IQCH: variants seen among roughly 807,000 people sequenced by gnomAD.
IQCH encodes IQ motif containing H, also known as IQ domain-containing protein H.
In IQCH, 98 loss-of-function variants were observed where a neutral mutation model predicts 117.0. That is an observed-to-expected ratio of 0.84 (90% confidence interval 0.71 to 0.99). The LOEUF is 0.99. Ranked by LOEUF, IQCH falls within the 50% of genes least tolerant of loss-of-function variation. IQCH has a pLI of 0.00. For missense variants in IQCH, 1,102 were observed against 1,243.8 expected (o/e 0.89, Z 1.72); for synonymous variants, 412 against 448.2 (o/e 0.92, Z 1.02).
At chr15:67,399,118 T>C (rs1210938275) in intron 13 of IQCH, among the ~76,000 whole-genome samples, 1 of 152,118 alleles carries the variant, frequency 6.6e-6, no homozygotes, top group East Asian at 1.9e-4. Context: ...TCTCTGTGGG[T>C]TGGGATAGGC....
Position 67,426,601 on chromosome 15 carries a change from A to C in IQCH, c.2505+5024A>C, listed in dbSNP as rs1307291705. 1.3e-5 allele frequency among the ~76,000 whole-genome samples: 2 copies of C among 149,662 alleles called. No individual in the cohort carries two copies. Among genetic ancestry groups the C allele is most frequent in the African/African-American group, 4.9e-5 (2 of 41,086 alleles). On this transcript the variant is annotated intron_variant, in intron 16 of 20. Transcript: ENST00000335894. This position sits in a 1 kb window ranked among gnomAD's most constrained non-coding sequence, Gnocchi z 5.1. ...CTCATACTCATTATTTAAACTTACA[A>C]ACTAAAAAAAAATAAAAATAAAAAT...
intron 8 of IQCH, among the ~76,000 whole-genome samples, chr15:67,371,100 G>A (rs1229607123): frequency 1.3e-5 from 2 of 152,060 alleles, no homozygotes; most frequent in East Asian, 3.9e-4. Context: ...ACATACCTAA[G>A]CAAGAAGAAA....
At chr15:67,485,006 C>T (rs945648986) in intron 18 of IQCH, among the ~76,000 whole-genome samples, 6 of 151,930 alleles carry the variant, frequency 3.9e-5, no homozygotes, top group African/African-American at 1.5e-4. Context: ...GAGACAGGGA[C>T]TCATAACTCC....
chr15:67,281,661 CATTGGTGGAG>C, intron 4 of IQCH: 1 of 454,058 alleles, frequency 2.2e-6, no homozygotes, highest in South Asian at 1.6e-5. Context: ...GCCTTGGCAG[CATTGGTGGAG>C]ATTCTCTACA....
intron 4 of IQCH, among the ~76,000 whole-genome samples, chr15:67,310,411 T>C (rs1967529742): frequency 6.6e-6 from 1 of 152,102 alleles, no homozygotes; most frequent in Admixed American, 6.6e-5. Context: ...TCTGCTCATA[T>C]ACACTCCTGT....
At position 67,387,060 on chromosome 15, in the gene IQCH, A is replaced by G. The variant is rs927809253; in HGVS notation, c.1457-1771A>G. On this transcript the variant is annotated intron_variant, in intron 11 of 20. Coordinates refer to ENST00000335894, the MANE Select transcript of IQCH (RefSeq NM_001031715.3). This position sits in a 1 kb window ranked among gnomAD's most constrained non-coding sequence, Gnocchi z 4.8. ...CTTTCATACTTAAAAAAAACTCATT[A>G]GTTTGATTTTTAAAACCTCTACTGT... Among the ~76,000 whole-genome samples, 6 of 152,090 alleles carry G rather than the reference A, an allele frequency of 3.9e-5. No homozygotes were observed. The highest frequency in any genetic ancestry group is 1.2e-4 in the African/African-American group (5 of 41,390).
chr15:67,459,970 T>C lies in IQCH; in HGVS notation c.2506-5157T>C, dbSNP rs2082750648. Reference sequence around the variant, plus strand: ...TGAGACCAGCCTGGGCAACAAGATCTTGTCTCTACAAAAAAGGAAAGAAAA... The same window carrying C: ...TGAGACCAGCCTGGGCAACAAGATCCTGTCTCTACAAAAAAGGAAAGAAAA... On this transcript the variant is annotated intron_variant, in intron 16 of 20. Transcript: ENST00000335894. The surrounding 1 kb of genome is among the most constrained non-coding windows in gnomAD (Gnocchi z 4.2). 1 of 150,806 alleles carries C rather than the reference T, an allele frequency of 6.6e-6. No homozygotes were observed. 9.3% of individuals were successfully genotyped at this position (150,806 alleles called of 1,614,324 possible).
chr15:67,324,517 G>A (rs1320686934), intron 4 of IQCH, among the ~76,000 whole-genome samples: 1 of 151,258 alleles, frequency 6.6e-6, no homozygotes, highest in Non-Finnish European at 1.5e-5. Flanking sequence ...GGCTGAGACA[G>A]GAGAATTGCT....
At chr15:67,354,881 G>A (rs1390194949) in intron 6 of IQCH, among the ~76,000 whole-genome samples, 1 of 152,148 alleles carries the variant, frequency 6.6e-6, no homozygotes, top group Non-Finnish European at 1.5e-5. Flanking sequence ...GATGGCTTCT[G>A]CAGCCCTGGG....
At chr15:67,304,825 A>G (rs1228465715) in intron 4 of IQCH, among the ~76,000 whole-genome samples, 1 of 152,130 alleles carries the variant, frequency 6.6e-6, no homozygotes, top group Non-Finnish European at 1.5e-5. Flanking sequence ...AAACAACAGC[A>G]CAGAATCCTC....
chr15:67,310,998 GAC>G, intron 4 of IQCH, among the ~76,000 whole-genome samples: 1 of 152,230 alleles, frequency 6.6e-6, no homozygotes, highest in East Asian at 1.9e-4. Flanking sequence ...AAGTTTGCCA[GAC>G]ACAGTGTTTT....
At chr15:67,277,028 G>A (rs1966152638) in intron 3 of IQCH, among the ~76,000 whole-genome samples, 1 of 152,072 alleles carries the variant, frequency 6.6e-6, no homozygotes, top group Admixed American at 6.6e-5. Flanking sequence ...TCACTTTGAG[G>A]AGTTTATATT....
At chr15:67,440,757 A>G (rs1050834930) in intron 16 of IQCH, among the ~76,000 whole-genome samples, 2 of 152,208 alleles carry the variant, frequency 1.3e-5, no homozygotes, top group African/African-American at 4.8e-5. Context: ...CACAGCCAAC[A>G]TAATACTGAA....
chr15:67,327,027 CAG>C (rs1231357506), intron 4 of IQCH, among the ~76,000 whole-genome samples: 6 of 152,178 alleles, frequency 3.9e-5, no homozygotes, highest in Non-Finnish European at 7.4e-5. Context: ...AAAATATAAA[CAG>C]AAATTCTTAA....
Position 67,417,956 on chromosome 15 carries a change from A to C in IQCH, c.2218+905A>C, listed in dbSNP as rs940148162. On this transcript the variant is annotated intron_variant, in intron 15 of 20. Transcript: ENST00000335894. The surrounding 1 kb of genome is among the most constrained non-coding windows in gnomAD (Gnocchi z 4.3). ...CAGCAGCAGCAATAGCACAGTGATG[A>C]TAATAATAGTGAGCTTAGATAGTGC... Among the ~76,000 whole-genome samples, 1 of 152,242 alleles carries C rather than the reference A, an allele frequency of 6.6e-6. No individual in the cohort carries two copies. The highest frequency in any genetic ancestry group is 1.5e-5 in the Non-Finnish European group (1 of 68,044).
rs1156952057 is a variant in IQCH, at chr15:67,416,378, G to A, written c.2098-553G>A. Among the ~76,000 whole-genome samples, 6 of 151,998 alleles carry A rather than the reference G, an allele frequency of 3.9e-5. No individual in the cohort carries two copies. Among genetic ancestry groups the A allele is most frequent in the Non-Finnish European group, 7.4e-5 (5 of 67,956 alleles). ...ACTAAAAATACAAAATTAGCCAGGT[G>A]TGGTGACGCATGCCTGTAGTCCCAG... On this transcript the variant is annotated intron_variant, in intron 14 of 20. Coordinates refer to ENST00000335894, the MANE Select transcript of IQCH (RefSeq NM_001031715.3). The surrounding 1 kb of genome is among the most constrained non-coding windows in gnomAD (Gnocchi z 5.1).
At chr15:67,444,170 A>C (rs2082342757) in intron 16 of IQCH, among the ~76,000 whole-genome samples, 1 of 152,254 alleles carries the variant, frequency 6.6e-6, no homozygotes, top group Non-Finnish European at 1.5e-5. Flanking sequence ...AACAGCTTAA[A>C]GCCAGAAAAC....
intron 4 of IQCH, among the ~76,000 whole-genome samples, chr15:67,308,787 T>A (rs1272612913): frequency 6.6e-6 from 1 of 151,974 alleles, no homozygotes; most frequent in Non-Finnish European, 1.5e-5. Context: ...CTGAGGAAAG[T>A]GATGGAATGT....
In IQCH at chr15:67,393,371, C is replaced by T. The variant is rs535911336; in HGVS notation, c.1633-1920C>T. Among the ~76,000 whole-genome samples the T allele has an allele frequency of 2.0e-4, 31 of 152,254 alleles. No individual in the cohort carries two copies. The highest frequency in any genetic ancestry group is 7.5e-4 in the African/African-American group (31 of 41,562). On this transcript the variant is annotated intron_variant, in intron 12 of 20. Transcript: ENST00000335894. The surrounding 1 kb of genome is among the most constrained non-coding windows in gnomAD (Gnocchi z 5.5). ...GATATTCCTTGAAACAATCACTTAG[C>T]ATTTCTCCATATTTTTATGCTGCAG...
Sources: allele counts gnomAD v4.1 joint callset (sites outside exome capture counted in the v4.1 genomes callset), GRCh38; gene constraint gnomAD v4.1.1; non-coding constraint Gnocchi (gnomAD v3.1); transcripts MANE v1.5; gene names NCBI Gene and HGNC (gene_info 2026-07-23, HGNC 2026-07-21).